Variants in LRRC45 observed in about 807,000 individuals in gnomAD.
LRRC45 encodes the protein leucine rich repeat containing 45, also known as leucine-rich repeat-containing protein 45.
A neutral mutation model predicts 85.4 loss-of-function variants in LRRC45; 73 were observed. The ratio of observed to expected loss-of-function variants is 0.85; its 90% confidence interval spans 0.71 to 1.04. The LOEUF is 1.04. LRRC45 is among the 50% of genes least tolerant of loss of function. The pLI, the probability that LRRC45 is intolerant of heterozygous loss-of-function variation, is 0.00. For synonymous variants in LRRC45, 429 were observed against 386.0 expected, an observed-to-expected ratio of 1.11 and a Z score of -1.31; for missense variants, 937 against 883.3, an observed-to-expected ratio of 1.06 and a Z score of -0.77.
chr17:82,027,321 CCT>C, intron 6 of LRRC45, 63 bp from the exon 7 acceptor site: 4 of 1,588,602 alleles, frequency 2.5e-6, no homozygotes, highest in Non-Finnish European at 3.4e-6. Flanking sequence ...TCTCCTTCCC[CCT>C]GAGAAGGTCA....
Position 82,029,192 on chromosome 17 carries a change from G to A in LRRC45, c.1401+7G>A. The A allele has an allele frequency of 6.2e-7, 1 of 1,608,048 alleles. No individual in the cohort carries two copies. Among genetic ancestry groups the A allele is most frequent in the Non-Finnish European group, 8.5e-7 (1 of 1,178,614 alleles). ...GCGGCTGTCCCTGGAGGAGGTGAGT[G>A]CCCACCAGGCAGGGCCAAGCTCTGC... On this transcript the variant is annotated splice_region_variant and intron_variant, in intron 13 of 16. Coordinates refer to ENST00000306688, the MANE Select transcript of LRRC45 (RefSeq NM_144999.4).
chr17:82,025,416 G>A lies in LRRC45; in HGVS notation c.570G>A (p.Arg190=), dbSNP rs2144140648. 1 of 1,603,206 alleles carries A rather than the reference G, an allele frequency of 6.2e-7. No individual in the cohort carries two copies. Among genetic ancestry groups the A allele is most frequent in the South Asian group, 1.1e-5 (1 of 89,812 alleles). The change falls in exon 5 of 17, where the codon CGG becomes CGA. Residue 190 remains arginine (R), a synonymous_variant. Coordinates refer to ENST00000306688, the MANE Select transcript of LRRC45 (RefSeq NM_144999.4). ...ATAACGTTGGCCTCCTGGGGGGCCG[G>A]GCCCTCATGAACTGTCTCCCCAGCA... ...RWNNVGLLGG[R]ALMNCLPSNR...
At chr17:82,027,205 G>C (rs186746338) in intron 6 of LRRC45, among the ~76,000 whole-genome samples, 181 bp from the exon 7 acceptor site, 2 of 152,200 alleles carry the variant, frequency 1.3e-5, no homozygotes, top group African/African-American at 4.8e-5. Flanking sequence ...GGGAGCTGGC[G>C]TCTGAGCCCT....
At chr17:82,025,820 T>A (rs565780615) in intron 5 of LRRC45, among the ~76,000 whole-genome samples, 3 of 152,196 alleles carry the variant, frequency 2.0e-5, no homozygotes, top group Non-Finnish European at 2.9e-5. Context: ...GCTTTGCTGA[T>A]GCTTCGGGTG....
chr17:82,028,709 C>A, intron 12 of LRRC45, 26 bp downstream of exon 12: 1 of 1,597,248 alleles, frequency 6.3e-7, no homozygotes, highest in Non-Finnish European at 8.5e-7. Flanking sequence ...GCCTCTAATG[C>A]GCCTCAGTCT....
Position 82,030,559 on chromosome 17 carries a change from G to C in LRRC45, c.1817-50G>C, listed in dbSNP as rs562416827. On this transcript the variant is annotated intron_variant, in intron 16 of 16. Transcript: ENST00000306688. ...GCCAGGTCTCCCGTGCTGAGGCCGT[G>C]CCACGGTGCGCTGGGGCTGCGTCCG... The C allele has an allele frequency of 1.8e-4, 269 of 1,477,300 alleles. 1 individual carries two copies. The South Asian group carries it at 3.3e-3, about 18-fold the overall frequency. The allele number at this position is 1,477,300 out of a possible 1,614,324, so 91.5% of individuals were successfully genotyped here.
In LRRC45 at chr17:82,028,627, G is replaced by A. The variant is rs1486887942; in HGVS notation, c.1252G>A (p.Glu418Lys). Residue 418 changes from glutamate (E) to lysine (K), a missense_variant, in exon 12 of 17, where the codon GAG becomes AAG. Coordinates refer to ENST00000306688, the MANE Select transcript of LRRC45 (RefSeq NM_144999.4). Reference protein sequence around the residue: ...AIQAEERLDMEKRRCRQSLED... With the variant: ...AIQAEERLDMKKRRCRQSLED... ...TGGGCTTCCAGAGCGCCTGGACATGGAGAAGAGAAGATGCAGACAGAGCCT... is the reference window on the plus strand; with the variant it reads ...TGGGCTTCCAGAGCGCCTGGACATGAAGAAGAGAAGATGCAGACAGAGCCT... 1.2e-6 allele frequency: 2 copies of A among 1,612,764 alleles called. No individual in the cohort carries two copies. Among genetic ancestry groups the A allele is most frequent in the Admixed American group, 1.7e-5 (1 of 60,004 alleles).
chr17:82,027,562 G>T, intron 7 of LRRC45, 112 bp from the exon 8 acceptor site: 1 of 1,539,034 alleles, frequency 6.5e-7, no homozygotes, highest in South Asian at 1.1e-5. Flanking sequence ...TGGAGGCTCA[G>T]TGCCCAGGCG....
intron 13 of LRRC45, 122 bp from the exon 14 acceptor site, chr17:82,029,421 C>T (rs556421215): frequency 3.8e-5 from 44 of 1,143,652 alleles, no homozygotes; most frequent in South Asian, 9.7e-5. Flanking sequence ...AGAGCAGCTG[C>T]GTGGCCCTCA....
chr17:82,027,731 C>T lies in LRRC45; in HGVS notation c.891C>T (p.Ile297=). ...AAGCCCTGAATGAGAGGCACTCCAT[C>T]ATCAACGCTCTCAAGGCCAAGTAAG... The part of the protein sequence containing the change: ...LQEALNERHS[I]INALKAKLQM... The change falls in exon 8 of 17, where the codon ATC becomes ATT. Residue 297 remains isoleucine (I), a synonymous_variant. Transcript: ENST00000306688. The T allele has an allele frequency of 6.2e-7, 1 of 1,611,134 alleles. No individual in the cohort carries two copies. The highest frequency in any genetic ancestry group is 8.5e-7 in the Non-Finnish European group (1 of 1,179,244).
Position 82,028,029 on chromosome 17 carries a change from C to G in LRRC45, c.930C>G (p.Ala310=). 5 of 1,605,268 alleles carry G rather than the reference C, an allele frequency of 3.1e-6. No homozygotes were observed. The highest frequency in any genetic ancestry group is 4.2e-6 in the Non-Finnish European group (5 of 1,177,134). The stretch of plus-strand genomic sequence containing the variant: ...TCTGCAGGCTGCAGATGACAGAGGC[C>G]GCCCTGGCTCTGTCGGAGCAGAAGG... ...ALKAKLQMTE[A]ALALSEQKAQ... is the part of the protein sequence containing the mutation. The change falls in exon 9 of 17, where the codon GCC becomes GCG. Residue 310 remains alanine, a synonymous_variant. Coordinates refer to ENST00000306688, the MANE Select transcript of LRRC45 (RefSeq NM_144999.4).
At chr17:82,029,261 G>T (rs955000521) in intron 13 of LRRC45, 76 bp downstream of exon 13, 3 of 1,389,884 alleles carry the variant, frequency 2.2e-6, no homozygotes, top group Non-Finnish European at 2.9e-6. Context: ...GGTGTTCGCC[G>T]CCTCAGGACC....
At position 82,029,194 on chromosome 17, in the gene LRRC45, C is replaced by G; in HGVS notation, c.1401+9C>G. 6.2e-7 allele frequency: 1 copy of G among 1,608,046 alleles called. No individual in the cohort carries two copies. The highest frequency in any genetic ancestry group is 8.5e-7 in the Non-Finnish European group (1 of 1,178,616). ...GGCTGTCCCTGGAGGAGGTGAGTGCCCACCAGGCAGGGCCAAGCTCTGCCT... is the reference window on the plus strand; with the variant it reads ...GGCTGTCCCTGGAGGAGGTGAGTGCGCACCAGGCAGGGCCAAGCTCTGCCT... On this transcript the variant is annotated intron_variant, in intron 13 of 16. Coordinates refer to ENST00000306688, the MANE Select transcript of LRRC45 (RefSeq NM_144999.4).
At chr17:82,027,314 C>A (rs1279941878) in intron 6 of LRRC45, 72 bp from the exon 7 acceptor site, 1 of 1,578,772 alleles carries the variant, frequency 6.3e-7, no homozygotes, top group Non-Finnish European at 8.7e-7. Flanking sequence ...CGCTGGCTCT[C>A]CTTCCCCCTG....
chr17:82,024,226 G>C (rs1181287635), intron 1 of LRRC45, 52 bp from the exon 2 acceptor site: 2 of 1,591,928 alleles, frequency 1.3e-6, no homozygotes, highest in African/African-American at 1.3e-5. Flanking sequence ...CCCACGGGGA[G>C]GGCCTTGGGG....
At position 82,025,088 on chromosome 17, in the gene LRRC45, C is replaced by G; in HGVS notation, c.442C>G (p.Arg148Gly). 1 of 1,610,436 alleles carries G rather than the reference C, an allele frequency of 6.2e-7. No homozygotes were observed. Among genetic ancestry groups the G allele is most frequent in the Non-Finnish European group, 8.5e-7 (1 of 1,178,926 alleles). The change falls in exon 4 of 17, where the codon CGG becomes GGG. Residue 148 changes from arginine to glycine, a missense_variant. Arg to Gly is a moderately radical substitution (Grantham distance 125). Transcript: ENST00000306688. The stretch of plus-strand genomic sequence containing the variant: ...CCTGGCGGCCAACGGCGCCCTGCAG[C>G]GGCTGGACCTCCGCAACAACCAGAT... ...GGLAANGALQ[R>G]LDLRNNQISH...
At position 82,025,195 on chromosome 17, in the gene LRRC45, G is replaced by T; in HGVS notation, c.532+17G>T. 6.4e-7 allele frequency: 1 copy of T among 1,573,760 alleles called. No individual in the cohort carries two copies. The highest frequency in any genetic ancestry group is 1.2e-5 in the South Asian group (1 of 85,722). On this transcript the variant is annotated intron_variant, in intron 4 of 16. Coordinates refer to ENST00000306688, the MANE Select transcript of LRRC45 (RefSeq NM_144999.4). ...AGCAGCTGGGTGAGGCCTCCCAGGCGCCCTCAGGCTCCCTCATCCCTCTGA... is the reference window on the plus strand; with the variant it reads ...AGCAGCTGGGTGAGGCCTCCCAGGCTCCCTCAGGCTCCCTCATCCCTCTGA...
Position 82,027,905 on chromosome 17 carries a change from G to A in LRRC45, c.912-106G>A, listed in dbSNP as rs2043382656. ...AGAAGCCTTCCTGGAGGAGGCGGGT[G>A]CTGGCTGGGGTTGACTAGGTGCCCA... On this transcript the variant is annotated intron_variant, in intron 8 of 16. Coordinates refer to ENST00000306688, the MANE Select transcript of LRRC45 (RefSeq NM_144999.4). 5.3e-6 allele frequency: 8 copies of A among 1,520,912 alleles called. No homozygotes were observed. The East Asian group carries it at 1.4e-4, about 26-fold the overall frequency. The allele number at this position is 1,520,912 out of a possible 1,614,324, so 94.2% of individuals were successfully genotyped here. A position where few individuals can be genotyped will look rare whatever the true frequency, so the allele number is the denominator to read the frequency against.
intron 12 of LRRC45, 51 bp from the exon 13 acceptor site, chr17:82,029,042 G>A (rs2043392809): frequency 1.3e-6 from 2 of 1,548,082 alleles, no homozygotes; most frequent in Non-Finnish European, 1.8e-6. Context: ...TGAGGAGAAG[G>A]TAGGGAGGCC....
Sources: gnomAD v4.1 joint callset for allele counts (sites outside exome capture counted in the v4.1 genomes callset) on GRCh38, gnomAD v4.1.1 for gene constraint, MANE v1.5 for transcripts, NCBI Gene and HGNC (gene_info 2026-07-23, HGNC 2026-07-21) for gene names.